Variants in SLC35F3 observed in about 807,000 individuals in gnomAD.
SLC35F3 encodes the protein solute carrier family 35 member F3.
A neutral mutation model predicts 49.9 loss-of-function variants in SLC35F3; 25 were observed. The observed-to-expected ratio is 0.50, with a 90% CI of 0.37 to 0.70. The LOEUF (loss-of-function observed/expected upper bound fraction) is 0.70, where lower values mean the gene tolerates loss of function less well. SLC35F3 is among the 30% of genes least tolerant of loss of function. The probability of loss-of-function intolerance (pLI) is 0.00; values close to 1 mark genes in which losing one functional copy is unlikely to be tolerated. For synonymous variants in SLC35F3, 275 were observed against 265.4 expected, an observed-to-expected ratio of 1.04 and a Z score of -0.35; for missense variants, 525 against 639.8, an observed-to-expected ratio of 0.82 and a Z score of 1.94.
At chr1:234,050,773 C>T (rs183776291) in intron 2 of SLC35F3, among the ~76,000 whole-genome samples, 111 of 152,232 alleles carry the variant, frequency 7.3e-4, no homozygotes, top group African/African-American at 2.5e-3. Context: ...GGTTTTAGGT[C>T]TAACATTTAA....
rs559076592 is a variant in SLC35F3, at chr1:234,040,780, G to A, written c.283+135022G>A. The stretch of plus-strand genomic sequence containing the variant: ...TGGTTAACAACTAAGAAGACCTAAG[G>A]AGGGTCCGGCATCCTAGGGAAAGTT... On this transcript the variant is annotated intron_variant, in intron 2 of 7. Coordinates refer to ENST00000366618, the MANE Select transcript of SLC35F3 (RefSeq NM_173508.4). 2.0e-5 allele frequency among the ~76,000 whole-genome samples: 3 copies of A among 152,358 alleles called. No individual in the cohort carries two copies. The South Asian group carries it at 6.2e-4, about 32-fold the overall frequency.
intron 2 of SLC35F3, among the ~76,000 whole-genome samples, chr1:233,958,628 G>A (rs991945341): frequency 6.6e-6 from 1 of 152,196 alleles, no homozygotes; most frequent in African/African-American, 2.4e-5. Flanking sequence ...GATGTGTTGT[G>A]AGAGATAATG....
Position 233,990,622 on chromosome 1 carries a change from T to TAC in SLC35F3, c.283+84876_283+84877dup, listed in dbSNP as rs1050758150. ...GAGTAGATCTTAGGTATTCTCGCCA[T>TAC]ACACACACACACAAAGGTAACTCTG... On this transcript the variant is annotated intron_variant, in intron 2 of 7. Transcript: ENST00000366618. 3.3e-5 allele frequency among the ~76,000 whole-genome samples: 5 copies of TAC among 151,852 alleles called. No homozygotes were observed. In the East Asian group the frequency reaches 5.8e-4, roughly 18 times the overall value.
At chr1:234,050,540 C>T (rs1664360825) in intron 2 of SLC35F3, among the ~76,000 whole-genome samples, 1 of 152,100 alleles carries the variant, frequency 6.6e-6, no homozygotes, top group Non-Finnish European at 1.5e-5. Context: ...GGATATTAGC[C>T]CTTTGTCAGA....
At chr1:234,293,106 A>G (rs1464728643) in intron 3 of SLC35F3, among the ~76,000 whole-genome samples, 3 of 152,266 alleles carry the variant, frequency 2.0e-5, no homozygotes, top group Non-Finnish European at 4.4e-5. Flanking sequence ...TGCCATAGGC[A>G]GATGAGAGTA....
intron 2 of SLC35F3, among the ~76,000 whole-genome samples, chr1:234,060,820 G>A (rs554004540): frequency 1.3e-5 from 2 of 152,076 alleles, no homozygotes; most frequent in African/African-American, 2.4e-5. Flanking sequence ...TTCTTCCTGT[G>A]TATTTGAGTT....
intron 2 of SLC35F3, among the ~76,000 whole-genome samples, chr1:234,082,761 C>T (rs1163796014): frequency 1.3e-5 from 2 of 152,182 alleles, no homozygotes; most frequent in Non-Finnish European, 2.9e-5. Flanking sequence ...AAGCGAAAGG[C>T]AAAACCCTTT....
At chr1:233,948,542 G>A (rs967517365) in intron 2 of SLC35F3, among the ~76,000 whole-genome samples, 13 of 147,882 alleles carry the variant, frequency 8.8e-5, no homozygotes, top group Non-Finnish European at 2.0e-4. Flanking sequence ...TAGGTAAGGC[G>A]TTTCTTTTTT....
At chr1:234,005,436 T>C (rs1663614479) in intron 2 of SLC35F3, among the ~76,000 whole-genome samples, 1 of 152,208 alleles carries the variant, frequency 6.6e-6, no homozygotes, top group Non-Finnish European at 1.5e-5. Flanking sequence ...ATTGTTTCCC[T>C]GCCTCCTGCA....
intron 3 of SLC35F3, among the ~76,000 whole-genome samples, chr1:234,299,735 G>A (rs1270845841): frequency 7.1e-6 from 1 of 141,470 alleles, no homozygotes; most frequent in Non-Finnish European, 1.5e-5. Flanking sequence ...AACCTGGGAG[G>A]CAGAGTTTGC....
chr1:233,924,252 C>T (rs922326068), intron 2 of SLC35F3, among the ~76,000 whole-genome samples: 9 of 152,114 alleles, frequency 5.9e-5, no homozygotes, highest in African/African-American at 1.7e-4. Context: ...TGGTAGAATT[C>T]GGCTGTGAAT....
chr1:234,006,313 AC>A (rs1663630077), intron 2 of SLC35F3, among the ~76,000 whole-genome samples: 1 of 152,200 alleles, frequency 6.6e-6, no homozygotes, highest in African/African-American at 2.4e-5. Context: ...GAACAAATGG[AC>A]AGACTAAAAT....
chr1:234,311,008 A>G (rs975617014), intron 4 of SLC35F3, among the ~76,000 whole-genome samples: 4 of 152,092 alleles, frequency 2.6e-5, no homozygotes, highest in Admixed American at 2.0e-4. Flanking sequence ...CTGTGTACTG[A>G]GCAAAGTTTT....
At chr1:234,280,824 C>T (rs1668312672) in intron 3 of SLC35F3, among the ~76,000 whole-genome samples, 2 of 152,180 alleles carry the variant, frequency 1.3e-5, no homozygotes, top group African/African-American at 2.4e-5. Flanking sequence ...GATTGAACAA[C>T]TTGTCATTTG....
chr1:234,267,824 C>CG (rs546049411), intron 3 of SLC35F3, among the ~76,000 whole-genome samples: 23,044 of 133,778 alleles, frequency 0.17, 2,193 homozygotes, highest in African/African-American at 0.22. Flanking sequence ...GACAGGGTTG[C>CG]GCCCAGCAGA....
chr1:234,306,304 G>C (rs1657178656), intron 3 of SLC35F3, among the ~76,000 whole-genome samples: 1 of 152,068 alleles, frequency 6.6e-6, no homozygotes, highest in Non-Finnish European at 1.5e-5. Context: ...GGGATTACCG[G>C]TGCTCACCAC....
intron 2 of SLC35F3, among the ~76,000 whole-genome samples, chr1:234,216,253 A>G (rs1436371006): frequency 6.6e-6 from 1 of 152,066 alleles, no homozygotes. Context: ...GCCCACTCCT[A>G]CCTCCTAGTA....
chr1:234,264,917 T>C (rs555045646), intron 3 of SLC35F3, among the ~76,000 whole-genome samples: 4 of 152,320 alleles, frequency 2.6e-5, no homozygotes, highest in South Asian at 4.1e-4. Flanking sequence ...CACTGAACTT[T>C]TTGTGTCATC....
In SLC35F3 at chr1:233,952,868, C is replaced by G. The variant is rs115228392; in HGVS notation, c.283+47110C>G. ...CTTAGTATCATCAAAAGATGGAATT[C>G]GCCCCCCTCCCCGCCCCACAATTCT... is the stretch of plus-strand genomic sequence containing the variant. On this transcript the variant is annotated intron_variant, in intron 2 of 7. Coordinates refer to ENST00000366618, the MANE Select transcript of SLC35F3 (RefSeq NM_173508.4). Among the ~76,000 whole-genome samples, 706 of 152,152 alleles carry G rather than the reference C, an allele frequency of 4.6e-3. 3 individuals carry two copies. Among genetic ancestry groups the G allele is most frequent in the Middle Eastern group, 0.014 (4 of 294 alleles).
Sources: allele counts gnomAD v4.1 joint callset (sites outside exome capture counted in the v4.1 genomes callset), GRCh38; gene constraint gnomAD v4.1.1; transcripts MANE v1.5; gene names NCBI Gene and HGNC (gene_info 2026-07-23, HGNC 2026-07-21).